PPP3CC: variants seen among roughly 807,000 people sequenced by gnomAD.
PPP3CC encodes protein phosphatase 3 catalytic subunit gamma, also known as serine/threonine-protein phosphatase 2B catalytic subunit gamma isoform.
PPP3CC carries 35 observed loss-of-function variants against 60.3 expected under a neutral mutation model. That is an observed-to-expected ratio of 0.58 (90% CI 0.44 to 0.77). The LOEUF (loss-of-function observed/expected upper bound fraction) is 0.77. PPP3CC is among the 30% of genes least tolerant of loss of function. The pLI is 0.00. For synonymous variants in PPP3CC, 206 were observed against 224.3 expected (o/e 0.92, Z 0.73); for missense variants, 570 against 628.9 (o/e 0.91, Z 1.00).
chr8:22,446,866 A>C (rs1186677010), intron 1 of PPP3CC, among the ~76,000 whole-genome samples: 1 of 151,656 alleles, frequency 6.6e-6, no homozygotes, highest in East Asian at 1.9e-4. Context: ...TTAGAGACAA[A>C]ATTATTCATT....
intron 8 of PPP3CC, among the ~76,000 whole-genome samples, chr8:22,525,506 C>G (rs953663659): frequency 3.4e-5 from 3 of 88,266 alleles, no homozygotes; most frequent in Non-Finnish European, 6.9e-5. Flanking sequence ...TTCTTTCTTT[C>G]TTTCTTTCTT....
chr8:22,504,169 A>C (rs1838843737), intron 4 of PPP3CC, among the ~76,000 whole-genome samples: 1 of 152,170 alleles, frequency 6.6e-6, no homozygotes. Context: ...ATTGATGTAT[A>C]ATAGTTGTAC....
intron 3 of PPP3CC, among the ~76,000 whole-genome samples, chr8:22,480,362 C>T (rs1490983542): frequency 6.6e-6 from 1 of 152,090 alleles, no homozygotes; most frequent in Non-Finnish European, 1.5e-5. Flanking sequence ...TACCATTTAA[C>T]AGTTTCTTAT....
At chr8:22,525,503 T>C (rs570523479) in intron 8 of PPP3CC, among the ~76,000 whole-genome samples, 2 of 88,042 alleles carry the variant, frequency 2.3e-5, no homozygotes, top group Non-Finnish European at 2.3e-5. Flanking sequence ...TCTTTCTTTC[T>C]TTCTTTCTTT....
chr8:22,452,122 T>C (rs1837051735), intron 1 of PPP3CC, among the ~76,000 whole-genome samples: 1 of 151,966 alleles, frequency 6.6e-6, no homozygotes, highest in Non-Finnish European at 1.5e-5. Context: ...AACAAACTCC[T>C]GGCCTCAATT....
intron 1 of PPP3CC, among the ~76,000 whole-genome samples, chr8:22,468,197 G>T (rs1305532673): frequency 6.6e-6 from 1 of 152,002 alleles, no homozygotes; most frequent in Non-Finnish European, 1.5e-5. Flanking sequence ...TCTGCCTCCC[G>T]GGTTCAAGTG....
chr8:22,514,718 T>G (rs1336598575), intron 6 of PPP3CC, among the ~76,000 whole-genome samples: 2 of 146,158 alleles, frequency 1.4e-5, no homozygotes, highest in African/African-American at 5.1e-5. Context: ...TGAGACGGAG[T>G]CTTGCTCGGT....
intron 10 of PPP3CC, 31 bp from the exon 11 acceptor site, chr8:22,532,193 CT>C (rs931329314): frequency 6.5e-7 from 1 of 1,539,920 alleles, no homozygotes; most frequent in African/African-American, 1.4e-5. Context: ...TAACACATCC[CT>C]TTAACTTACT....
rs539289349 is a variant in PPP3CC, at chr8:22,450,264, A to G, written c.49+8806A>G. ...AATATTACCCAGACAGTTGATGTGG[A>G]AAGTGGAATAGCTATGTTTTTAATT... is the stretch of plus-strand genomic sequence containing the variant. On this transcript the variant is annotated intron_variant, in intron 1 of 13. Coordinates refer to ENST00000240139, the MANE Select transcript of PPP3CC (RefSeq NM_005605.5). 8.5e-5 allele frequency among the ~76,000 whole-genome samples: 13 copies of G among 152,350 alleles called. No individual in the cohort carries two copies. The East Asian group carries it at 2.5e-3, about 29-fold the overall frequency.
chr8:22,441,605 C>T lies in PPP3CC; in HGVS notation c.49+147C>T. On this transcript the variant is annotated intron_variant, in intron 1 of 13. Coordinates refer to ENST00000240139, the MANE Select transcript of PPP3CC (RefSeq NM_005605.5). ...GTAGACAGAGCCGGGCGGCAGCCTCCGAGAGCAGCCACCCGGACCCGGCGT... is the reference window on the plus strand; with the variant it reads ...GTAGACAGAGCCGGGCGGCAGCCTCTGAGAGCAGCCACCCGGACCCGGCGT... 3.5e-6 allele frequency: 3 copies of T among 862,088 alleles called. 1 individual carries two copies. Among genetic ancestry groups the T allele is most frequent in the South Asian group, 6.7e-5 (2 of 30,034 alleles). The allele number at this position is 862,088 out of a possible 1,614,324, so 53.4% of individuals were successfully genotyped here. A position where few individuals can be genotyped will look rare whatever the true frequency, so the allele number is the denominator to read the frequency against.
intron 1 of PPP3CC, among the ~76,000 whole-genome samples, chr8:22,454,865 G>A (rs1054347731): frequency 4.6e-5 from 7 of 151,752 alleles, no homozygotes; most frequent in African/African-American, 1.5e-4. Flanking sequence ...TCAGGAGATC[G>A]AGACCACGGT....
At chr8:22,525,859 C>A (rs1451604398) in intron 8 of PPP3CC, among the ~76,000 whole-genome samples, 1 of 137,818 alleles carries the variant, frequency 7.3e-6, no homozygotes, top group Non-Finnish European at 1.5e-5. Flanking sequence ...CACACCTGGC[C>A]TCTTTCATAT....
intron 3 of PPP3CC, among the ~76,000 whole-genome samples, chr8:22,489,453 T>C (rs1055684722): frequency 3.3e-5 from 5 of 151,144 alleles, no homozygotes; most frequent in African/African-American, 1.2e-4. Context: ...CTAATGTATA[T>C]ATGAATGAAT....
chr8:22,457,195 CCTTT>C (rs1487052860), intron 1 of PPP3CC, among the ~76,000 whole-genome samples: 1 of 150,656 alleles, frequency 6.6e-6, no homozygotes, highest in African/African-American at 2.4e-5. Context: ...GAAATTTTCT[CCTTT>C]CTTCCTTTTA....
chr8:22,510,471 A>G lies in PPP3CC; in HGVS notation c.485-615A>G, dbSNP rs17060885. ...ACCCCTAAGAGATCTTTAAGACCCA[A>G]TAAAATATTCAGACTCACAAGACTA... On this transcript the variant is annotated intron_variant, in intron 4 of 13. Transcript: ENST00000240139. Among the ~76,000 whole-genome samples, 18 of 152,298 alleles carry G rather than the reference A, an allele frequency of 1.2e-4. No homozygotes were observed. The East Asian group carries it at 2.9e-3, about 24-fold the overall frequency.
At chr8:22,533,722 G>T (rs1563792907) in intron 12 of PPP3CC, among the ~76,000 whole-genome samples, 2 of 152,180 alleles carry the variant, frequency 1.3e-5, no homozygotes, top group African/African-American at 4.8e-5. Flanking sequence ...CTACTCGGTT[G>T]CCTGAGACAG....
chr8:22,498,149 C>A, intron 4 of PPP3CC, 37 bp downstream of exon 4: 1 of 1,335,994 alleles, frequency 7.5e-7, no homozygotes. Context: ...TTTTTAGTTA[C>A]CCTTTAACCT....
At chr8:22,534,121 C>T (rs1486512323) in intron 12 of PPP3CC, among the ~76,000 whole-genome samples, 1 of 151,204 alleles carries the variant, frequency 6.6e-6, no homozygotes. Context: ...ATCACTGGAA[C>T]CCGGGAGGTG....
At chr8:22,481,099 C>T (rs887359208) in intron 3 of PPP3CC, among the ~76,000 whole-genome samples, 6 of 151,940 alleles carry the variant, frequency 3.9e-5, no homozygotes, top group African/African-American at 7.2e-5. Flanking sequence ...TTGGGGAGGC[C>T]GAGGCAGGTG....
Sources: gnomAD v4.1 joint callset for allele counts (sites outside exome capture counted in the v4.1 genomes callset) on GRCh38, gnomAD v4.1.1 for gene constraint, MANE v1.5 for transcripts, NCBI Gene and HGNC (gene_info 2026-07-23, HGNC 2026-07-21) for gene names.